Variants in DPYD observed in about 807,000 individuals in gnomAD.
DPYD encodes the protein dihydropyrimidine dehydrogenase [NADP(+)].
In DPYD, 109 loss-of-function variants were observed where a neutral mutation model predicts 116.2. The observed-to-expected ratio is 0.94, with a 90% CI of 0.80 to 1.10. The LOEUF is 1.10. DPYD is among the 50% of genes least tolerant of loss of function. The pLI, the probability that DPYD is intolerant of heterozygous loss-of-function variation, is 0.00. For missense variants in DPYD, 1,302 were observed against 1,254.5 expected (o/e 1.04, Z -0.57); for synonymous variants, 440 against 432.0 (o/e 1.02, Z -0.23).
Position 97,475,094 on chromosome 1 carries a change from C to A in DPYD, c.1741-24871G>T, listed in dbSNP as rs1287308038. Among the ~76,000 whole-genome samples the A allele has an allele frequency of 3.3e-5, 5 of 152,016 alleles. No homozygotes were observed. In the East Asian group the frequency reaches 9.6e-4, roughly 29 times the overall value. On this transcript the variant is annotated intron_variant, in intron 13 of 22. Transcript: ENST00000370192. ...ATGTTACAAGAAGAAACTGTAAGACCAATGGAGCAAAACAGCAGGGCAATG... is the reference window on the plus strand; with the variant it reads ...ATGTTACAAGAAGAAACTGTAAGACAAATGGAGCAAAACAGCAGGGCAATG...
intron 14 of DPYD, among the ~76,000 whole-genome samples, chr1:97,433,193 T>C (rs892960831): frequency 4.6e-5 from 7 of 152,256 alleles, no homozygotes; most frequent in African/African-American, 9.6e-5. Context: ...AGCAGACCTC[T>C]TTTAACTGGA....
At position 97,699,450 on chromosome 1, in the gene DPYD, C is replaced by T. The variant is rs751841116; in HGVS notation, c.581G>A (p.Gly194Asp). 8 of 1,613,620 alleles carry T rather than the reference C, an allele frequency of 5.0e-6. No homozygotes were observed. The East Asian group carries it at 1.1e-4, about 22-fold the overall frequency. ...ACAACTTATACTTGCAGGCCCAGCA[C>T]CAAAAAGAGCAATCTTTGCAGAATA... is the stretch of plus-strand genomic sequence containing the variant. ...EAYSAKIALFGAGPASISCAS... is the reference protein window; with the variant it reads ...EAYSAKIALFDAGPASISCAS... Residue 194 changes from glycine (G) to aspartate (D), a missense_variant, in exon 6 of 23, where the codon GGT (glycine) becomes GAT (aspartate). Gly to Asp is a moderately conservative substitution (Grantham distance 94, BLOSUM62 -1). Transcript: ENST00000370192.
chr1:97,804,830 C>CA (rs1323454906), intron 3 of DPYD, among the ~76,000 whole-genome samples: 3 of 151,790 alleles, frequency 2.0e-5, no homozygotes, highest in Non-Finnish European at 4.4e-5. Flanking sequence ...GTTGACAGGA[C>CA]AAAGTTATCC....
chr1:97,484,947 T>C (rs1200533271), intron 13 of DPYD, among the ~76,000 whole-genome samples: 1 of 152,210 alleles, frequency 6.6e-6, no homozygotes, highest in Admixed American at 6.5e-5. Flanking sequence ...TCTGTCTTTA[T>C]GTCAAGGAAT....
In DPYD at chr1:97,671,320, G is replaced by T. The variant is rs74969953; in HGVS notation, c.850+7775C>A. 9.9e-4 allele frequency among the ~76,000 whole-genome samples: 150 copies of T among 151,944 alleles called. 1 individual carries two copies. The East Asian group carries it at 0.026, about 26-fold the overall frequency. On this transcript the variant is annotated intron_variant, in intron 8 of 22. Transcript: ENST00000370192. ...TATATCATCATCTTCATCACAAAAC[G>T]CTCATTAAATACCCTAGCGAGTACT...
intron 8 of DPYD, among the ~76,000 whole-genome samples, chr1:97,598,087 T>C (rs1427368960): frequency 6.6e-6 from 1 of 152,158 alleles, no homozygotes; most frequent in East Asian, 1.9e-4. Flanking sequence ...TTAAGATAGG[T>C]TTATTCTATA....
At chr1:97,493,264 T>C (rs1679068565) in intron 13 of DPYD, among the ~76,000 whole-genome samples, 1 of 152,178 alleles carries the variant, frequency 6.6e-6, no homozygotes, top group African/African-American at 2.4e-5. Context: ...ACCTTTAAAA[T>C]ATTGCAGAGA....
At chr1:97,823,992 A>T (rs1473881685) in intron 3 of DPYD, among the ~76,000 whole-genome samples, 1 of 151,544 alleles carries the variant, frequency 6.6e-6, no homozygotes, top group Non-Finnish European at 1.5e-5. Context: ...GTACTTCATC[A>T]TATAATAACT....
intron 1 of DPYD, among the ~76,000 whole-genome samples, chr1:97,887,587 C>T (rs1672570906): frequency 6.7e-6 from 1 of 149,896 alleles, no homozygotes; most frequent in African/African-American, 2.5e-5. Flanking sequence ...GTTCAGTCTT[C>T]AATTTAAAAA....
intron 13 of DPYD, among the ~76,000 whole-genome samples, chr1:97,470,109 G>C (rs891112798): frequency 3.9e-5 from 6 of 152,130 alleles, no homozygotes; most frequent in Non-Finnish European, 7.4e-5. Flanking sequence ...GGTATATATT[G>C]ATTCTCATAA....
At chr1:97,344,176 A>T (rs983986840) in intron 16 of DPYD, among the ~76,000 whole-genome samples, 56 of 151,946 alleles carry the variant, frequency 3.7e-4, no homozygotes, top group Non-Finnish European at 8.1e-4. Flanking sequence ...ATTATTTCTT[A>T]AAAATAAAAA....
chr1:97,384,537 T>C (rs987551301), intron 14 of DPYD, among the ~76,000 whole-genome samples: 3 of 152,110 alleles, frequency 2.0e-5, no homozygotes, highest in Non-Finnish European at 2.9e-5. Context: ...GGTTGCATTA[T>C]CAGCTAACCC....
intron 16 of DPYD, among the ~76,000 whole-genome samples, chr1:97,337,295 C>T (rs935368672): frequency 6.6e-6 from 1 of 152,134 alleles, no homozygotes; most frequent in African/African-American, 2.4e-5. Context: ...AGGAGAAGTT[C>T]TTCTATCTGA....
At chr1:97,344,188 A>G (rs373469210) in intron 16 of DPYD, among the ~76,000 whole-genome samples, 163 of 151,082 alleles carry the variant, frequency 1.1e-3, no homozygotes, top group African/African-American at 1.3e-3. Context: ...AAATAAAAAA[A>G]AGAGAGAGAG....
intron 2 of DPYD, among the ~76,000 whole-genome samples, chr1:97,880,006 T>C (rs1476074720): frequency 2.0e-5 from 3 of 151,498 alleles, no homozygotes; most frequent in African/African-American, 4.8e-5. Context: ...AAGAAACATA[T>C]AGCCTATATA....
At chr1:97,327,584 T>C (rs933004514) in intron 16 of DPYD, among the ~76,000 whole-genome samples, 3 of 152,036 alleles carry the variant, frequency 2.0e-5, no homozygotes, top group African/African-American at 2.4e-5. Context: ...TACTCCTTTA[T>C]TGAGTAAATA....
chr1:97,768,415 T>C (rs929503622), intron 3 of DPYD, among the ~76,000 whole-genome samples: 8 of 152,160 alleles, frequency 5.3e-5, no homozygotes, highest in Non-Finnish European at 1.0e-4. Context: ...TTTGCAAGCA[T>C]TGCCCAACAT....
chr1:97,342,685 A>G (rs536162217), intron 16 of DPYD, among the ~76,000 whole-genome samples: 1 of 152,322 alleles, frequency 6.6e-6, no homozygotes, highest in African/African-American at 2.4e-5. Flanking sequence ...GAGCACTGAA[A>G]GTTTAGCACT....
chr1:97,741,333 C>T (rs2101072341), intron 3 of DPYD, among the ~76,000 whole-genome samples: 1 of 152,284 alleles, frequency 6.6e-6, no homozygotes, highest in Non-Finnish European at 1.5e-5. Flanking sequence ...TCATCTGACT[C>T]TCCTCTCCGG....
Sources: gnomAD v4.1 joint callset for allele counts (sites outside exome capture counted in the v4.1 genomes callset) on GRCh38, gnomAD v4.1.1 for gene constraint, MANE v1.5 for transcripts, NCBI Gene and HGNC (gene_info 2026-07-23, HGNC 2026-07-21) for gene names.